Variants in PTCHD4 observed in about 807,000 individuals in gnomAD.
The protein encoded by PTCHD4 is patched domain containing 4.
A neutral mutation model predicts 58.1 loss-of-function variants in PTCHD4; 33 were observed. That is an observed-to-expected ratio of 0.57 (90% CI 0.43 to 0.76). The LOEUF is 0.76. PTCHD4 is among the 30% of genes least tolerant of loss of function. The pLI, the probability that PTCHD4 is intolerant of heterozygous loss-of-function variation, is 0.00. For missense variants in PTCHD4, 1,058 were observed against 1,027.1 expected, an observed-to-expected ratio of 1.03 and a Z score of -0.41; for synonymous variants, 478 against 409.6, an observed-to-expected ratio of 1.17 and a Z score of -2.02.
intron 3 of PTCHD4, among the ~76,000 whole-genome samples, chr6:48,043,411 T>C (rs1034526565): frequency 5.3e-5 from 8 of 151,878 alleles, no homozygotes. Flanking sequence ...ATTATTTTTA[T>C]GCTGAAAGGC....
At chr6:48,013,100 G>C (rs1378666357) in intron 3 of PTCHD4, among the ~76,000 whole-genome samples, 1 of 152,128 alleles carries the variant, frequency 6.6e-6, no homozygotes, top group Non-Finnish European at 1.5e-5. Flanking sequence ...AAATGAATTA[G>C]GGAGGAGTCC....
At chr6:47,918,537 T>C (rs933539387) in intron 4 of PTCHD4, among the ~76,000 whole-genome samples, 3 of 151,726 alleles carry the variant, frequency 2.0e-5, no homozygotes, top group African/African-American at 7.3e-5. Context: ...GGATGAGTAA[T>C]GTTAGAATAT....
At chr6:47,918,918 G>A (rs896892784) in intron 4 of PTCHD4, among the ~76,000 whole-genome samples, 16 of 152,060 alleles carry the variant, frequency 1.1e-4, no homozygotes, top group African/African-American at 3.6e-4. Flanking sequence ...AAGAAGGTTG[G>A]GTCCTATTTT....
Position 47,860,149 on chromosome 6 carries a change from A to G in PTCHD4, c.*18154T>C, listed in dbSNP as rs1581791293. Among the ~76,000 whole-genome samples, 1 of 152,006 alleles carries G rather than the reference A, an allele frequency of 6.6e-6. No homozygotes were observed. The highest frequency in any genetic ancestry group is 1.5e-5 in the Non-Finnish European group (1 of 67,962). ...CCTATACCCAGATTCTCTTAACTCTAAAGTATGAATCATGCAATCATTTCT... is the reference window on the plus strand; with the variant it reads ...CCTATACCCAGATTCTCTTAACTCTGAAGTATGAATCATGCAATCATTTCT... On this transcript the variant is annotated 3_prime_UTR_variant, in exon 5 of 5. Transcript: ENST00000339488.
At chr6:48,047,028 G>A (rs961864174) in intron 3 of PTCHD4, among the ~76,000 whole-genome samples, 2 of 151,826 alleles carry the variant, frequency 1.3e-5, no homozygotes, top group South Asian at 2.1e-4. Flanking sequence ...TTCACTATGA[G>A]AGCCTGAATA....
At chr6:47,924,862 C>T (rs895646098) in intron 4 of PTCHD4, among the ~76,000 whole-genome samples, 16 of 152,018 alleles carry the variant, frequency 1.1e-4, no homozygotes, top group African/African-American at 2.9e-4. Context: ...TCTCCCCAAC[C>T]GCCTTATATA....
chr6:47,864,167 C>T lies in PTCHD4; in HGVS notation c.*14136G>A, dbSNP rs545109143. On this transcript the variant is annotated 3_prime_UTR_variant, in exon 5 of 5. Transcript: ENST00000339488. ...CTTGTTAGAAATGTAAATTTTCAGG[C>T]CTCACTCCAGATCTATTGAATCAGA... 2.6e-5 allele frequency among the ~76,000 whole-genome samples: 4 copies of T among 151,898 alleles called. No homozygotes were observed. The highest frequency in any genetic ancestry group is 9.7e-5 in the African/African-American group (4 of 41,394).
At chr6:47,949,664 C>T (rs1581921214) in intron 4 of PTCHD4, among the ~76,000 whole-genome samples, 1 of 151,922 alleles carries the variant, frequency 6.6e-6, no homozygotes, top group East Asian at 1.9e-4. Context: ...CTCTTTTTTT[C>T]CCCCCAGATT....
At chr6:48,051,387 C>T (rs1261772253) in intron 3 of PTCHD4, among the ~76,000 whole-genome samples, 5 of 151,836 alleles carry the variant, frequency 3.3e-5, no homozygotes, top group African/African-American at 7.3e-5. Flanking sequence ...GTGGATGCTT[C>T]GGGATTTATA....
At chr6:47,968,344 A>T (rs1283372642) in intron 4 of PTCHD4, among the ~76,000 whole-genome samples, 1 of 152,234 alleles carries the variant, frequency 6.6e-6, no homozygotes, top group South Asian at 2.1e-4. Context: ...AACATCAAAG[A>T]TCACAAATCA....
At chr6:48,030,328 G>T (rs1045471867) in intron 3 of PTCHD4, among the ~76,000 whole-genome samples, 6 of 152,000 alleles carry the variant, frequency 3.9e-5, no homozygotes, top group South Asian at 2.1e-4. Flanking sequence ...ACTTTTGAGG[G>T]TATTAAATTT....
rs1763528407 is a variant in PTCHD4 at position 47,865,184 on chromosome 6, T to C, written c.*13119A>G. On this transcript the variant is annotated 3_prime_UTR_variant, in exon 5 of 5. Transcript: ENST00000339488. The stretch of plus-strand genomic sequence containing the variant: ...TAGATAAGAGTTATATATACCTGAG[T>C]ATCCAGTAATTTTACATGGAAAAAA... Among the ~76,000 whole-genome samples, 1 of 151,932 alleles carries C rather than the reference T, an allele frequency of 6.6e-6. No individual in the cohort carries two copies. Among genetic ancestry groups the C allele is most frequent in the Non-Finnish European group, 1.5e-5 (1 of 67,886 alleles).
At chr6:47,908,266 G>A (rs1430227749) in intron 4 of PTCHD4, among the ~76,000 whole-genome samples, 3 of 152,118 alleles carry the variant, frequency 2.0e-5, no homozygotes, top group Non-Finnish European at 2.9e-5. Context: ...TGCTCCAAAT[G>A]TCCAGTTACT....
At chr6:48,003,718 G>T (rs774940296) in intron 4 of PTCHD4, among the ~76,000 whole-genome samples, 6 of 152,154 alleles carry the variant, frequency 3.9e-5, no homozygotes, top group Admixed American at 6.5e-5. Flanking sequence ...TCACCCGAAG[G>T]TTAATTCTCA....
intron 3 of PTCHD4, among the ~76,000 whole-genome samples, chr6:48,020,201 G>A (rs1340719547): frequency 6.6e-6 from 1 of 152,060 alleles, no homozygotes; most frequent in Non-Finnish European, 1.5e-5. Context: ...GGCATGGCAT[G>A]ATTTTTTTTC....
chr6:47,890,691 T>G (rs1764349017), intron 4 of PTCHD4, among the ~76,000 whole-genome samples: 1 of 152,138 alleles, frequency 6.6e-6, no homozygotes, highest in South Asian at 2.1e-4. Context: ...ATGTCTTTAC[T>G]GCCCCAGCTG....
At chr6:47,893,104 G>A (rs531365884) in intron 4 of PTCHD4, among the ~76,000 whole-genome samples, 1 of 152,108 alleles carries the variant, frequency 6.6e-6, no homozygotes, top group Non-Finnish European at 1.5e-5. Context: ...TCTGCCTCCC[G>A]GGTTCAAGCG....
chr6:47,934,935 TAA>T (rs1288034777), intron 4 of PTCHD4, among the ~76,000 whole-genome samples: 3 of 152,344 alleles, frequency 2.0e-5, no homozygotes, highest in South Asian at 4.1e-4. Context: ...AGTATTAAAT[TAA>T]GTTTTAAAAT....
At chr6:47,985,490 A>G (rs889858828) in intron 4 of PTCHD4, among the ~76,000 whole-genome samples, 1 of 152,130 alleles carries the variant, frequency 6.6e-6, no homozygotes, top group Non-Finnish European at 1.5e-5. Flanking sequence ...TAACATTGCT[A>G]GTTGGAAATA....
Sources: gnomAD v4.1 joint callset for allele counts (sites outside exome capture counted in the v4.1 genomes callset) on GRCh38, gnomAD v4.1.1 for gene constraint, MANE v1.5 for transcripts, NCBI Gene and HGNC (gene_info 2026-07-23, HGNC 2026-07-21) for gene names.